Variants in PAGE2B observed in about 807,000 individuals in gnomAD.
The protein encoded by PAGE2B is PAGE family member 2B, also known as putative G antigen family E member 3.
In PAGE2B, 5 loss-of-function variants were observed where a neutral mutation model predicts 7.6. The observed-to-expected ratio is 0.66, with a 90% CI of 0.34 to 1.38. The LOEUF (loss-of-function observed/expected upper bound fraction) is 1.38. Ranked by LOEUF, PAGE2B falls within the 40% of genes most tolerant of loss-of-function variation. PAGE2B has a pLI of 0.04. For synonymous variants in PAGE2B, 29 were observed against 26.7 expected, an observed-to-expected ratio of 1.09 and a Z score of -0.27; for missense variants, 70 against 78.4, an observed-to-expected ratio of 0.89 and a Z score of 0.41.
the PAGE2B span, among the ~76,000 whole-genome samples, chrX:55,034,986 T>G: frequency 1.8e-5 from 2 of 110,220 alleles, no homozygotes; most frequent in Non-Finnish European, 1.9e-5. Context: ...GGATGTAGGC[T>G]GGGAGGCTAA....
At chrX:55,060,527 G>C in the PAGE2B span, among the ~76,000 whole-genome samples, 1 of 111,314 alleles carries the variant, frequency 9.0e-6, no homozygotes, top group Non-Finnish European at 1.9e-5. Flanking sequence ...ATATTAACCC[G>C]TTATCAGATA....
the PAGE2B span, among the ~76,000 whole-genome samples, chrX:55,031,717 T>TA: frequency 2.7e-5 from 3 of 111,390 alleles, no homozygotes; most frequent in East Asian, 8.5e-4. Flanking sequence ...CTTCCTCTCA[T>TA]AATATACAAT....
At chrX:55,069,652 G>A in the PAGE2B span, among the ~76,000 whole-genome samples, 4 of 111,308 alleles carry the variant, frequency 3.6e-5, no homozygotes, top group Admixed American at 9.6e-5. Flanking sequence ...GGTAGAATTC[G>A]GCTGTGAATC....
the PAGE2B span, among the ~76,000 whole-genome samples, chrX:55,047,458 G>C: frequency 9.0e-6 from 1 of 111,459 alleles, no homozygotes; most frequent in South Asian, 3.8e-4. Flanking sequence ...GGGTCATATG[G>C]TATTTCTAGT....
At chrX:55,074,540 T>A (rs1936482098), upstream of PAGE2B, among the ~76,000 whole-genome samples, 1 of 111,927 alleles carries the variant, frequency 8.9e-6, no homozygotes, top group Non-Finnish European at 1.9e-5. Flanking sequence ...AATGTTGAGT[T>A]CCTACCACTT....
chrX:55,046,258 C>T, the PAGE2B span, among the ~76,000 whole-genome samples: 2 of 111,149 alleles, frequency 1.8e-5, no homozygotes, highest in Admixed American at 9.6e-5. Context: ...GGATTACAGG[C>T]ACCTGTCACC....
At chrX:55,060,872 CTATT>C in the PAGE2B span, among the ~76,000 whole-genome samples, 4 of 110,627 alleles carry the variant, frequency 3.6e-5, no homozygotes, top group Admixed American at 3.9e-4. Context: ...AAAAGTGTGT[CTATT>C]TATTCCTGAC....
At chrX:55,040,967 C>T in the PAGE2B span, among the ~76,000 whole-genome samples, 1 of 110,719 alleles carries the variant, frequency 9.0e-6, no homozygotes, top group Admixed American at 9.7e-5. Context: ...TTAGTTTCTA[C>T]ATTGTGAAAT....
At chrX:55,069,115 C>A in the PAGE2B span, among the ~76,000 whole-genome samples, 1 of 111,781 alleles carries the variant, frequency 8.9e-6, no homozygotes, top group Non-Finnish European at 1.9e-5. Flanking sequence ...TTGTCTTGTG[C>A]CAGTTTTCAA....
the PAGE2B span, among the ~76,000 whole-genome samples, chrX:55,043,906 C>T: frequency 1.8e-3 from 195 of 108,671 alleles, 1 homozygote; most frequent in East Asian, 0.045. Context: ...GCAGAGGTTG[C>T]GGTGAGCCAA....
chrX:55,056,033 A>G, the PAGE2B span, among the ~76,000 whole-genome samples: 1 of 111,442 alleles, frequency 9.0e-6, no homozygotes, highest in Non-Finnish European at 1.9e-5. Context: ...CAGTGTAGTA[A>G]TATGGACAGC....
the PAGE2B span, among the ~76,000 whole-genome samples, chrX:55,052,651 G>C: frequency 8.9e-6 from 1 of 112,896 alleles, no homozygotes; most frequent in African/African-American, 3.2e-5. Flanking sequence ...TGTTAAGCCC[G>C]TTGGAAAAGT....
At chrX:55,034,885 A>G in the PAGE2B span, among the ~76,000 whole-genome samples, 5 of 110,225 alleles carry the variant, frequency 4.5e-5, no homozygotes, top group Non-Finnish European at 9.5e-5. Context: ...GGCCAGCTGC[A>G]AGCCGAGGAG....
At position 55,076,464 on chromosome X, in the gene PAGE2B, T is replaced by A. The variant is rs111507519; in HGVS notation, c.85-105T>A. On this transcript the variant is annotated intron_variant, in intron 2 of 4. Coordinates refer to ENST00000374971, the MANE Select transcript of PAGE2B (RefSeq NM_001015038.3). ...TATATGTATATACATATATATGTGT[T>A]TATATATGTTGGAAAAATGTCTTTA... 0.019 allele frequency: 13,492 copies of A among 728,033 alleles called. 930 individuals are homozygous for A. In the African/African-American group the frequency reaches 0.22, roughly 12 times the overall value. 60.0% of individuals were successfully genotyped at this position (728,033 alleles called of 1,213,427 possible).
At position 55,076,649 on chromosome X, in the gene PAGE2B, C is replaced by G. The variant is rs2498448; in HGVS notation, c.165C>G (p.Ile55Met). 2.5e-6 allele frequency: 3 copies of G among 1,203,993 alleles called. No individual in the cohort carries two copies. The highest frequency in any genetic ancestry group is 1.8e-5 in the African/African-American group (1 of 55,961). The change falls in exon 3 of 5, where the codon ATC (isoleucine) becomes ATG (methionine). Residue 55 changes from isoleucine to methionine, a missense_variant. Coordinates refer to ENST00000374971, the MANE Select transcript of PAGE2B (RefSeq NM_001015038.3). Reference protein sequence around the residue: ...DNQGIAPSGEIENEGAPAVQG... With the variant: ...DNQGIAPSGEMENEGAPAVQG... ...AGGGTATTGCACCTAGTGGGGAGAT[C>G]GAAAATGAAGGAGCACCTGCCGTTC...
At chrX:55,047,276 G>A in the PAGE2B span, among the ~76,000 whole-genome samples, 15 of 111,821 alleles carry the variant, frequency 1.3e-4, no homozygotes, top group Non-Finnish European at 2.3e-4. Context: ...TTTTATGGCT[G>A]CATAGTATTC....
the PAGE2B span, among the ~76,000 whole-genome samples, chrX:55,036,553 G>T: frequency 9.0e-6 from 1 of 111,099 alleles, no homozygotes; most frequent in Non-Finnish European, 1.9e-5. Context: ...CATCTATTGA[G>T]AAAGTTCATA....
At chrX:55,042,895 A>G in the PAGE2B span, among the ~76,000 whole-genome samples, 1 of 110,039 alleles carries the variant, frequency 9.1e-6, no homozygotes, top group South Asian at 3.9e-4. Context: ...CCAAGGCAAG[A>G]TTAAGCAAAA....
At chrX:55,067,538 G>A in the PAGE2B span, among the ~76,000 whole-genome samples, 1 of 111,699 alleles carries the variant, frequency 9.0e-6, no homozygotes, top group East Asian at 2.8e-4. Flanking sequence ...CTTTATAGTA[G>A]AATGATTTAT....
Sources: gnomAD v4.1 joint callset for allele counts (sites outside exome capture counted in the v4.1 genomes callset) on GRCh38, gnomAD v4.1.1 for gene constraint, MANE v1.5 for transcripts, NCBI Gene and HGNC (gene_info 2026-07-23, HGNC 2026-07-21) for gene names.